The following KANSL1L variants were observed in gnomAD, a reference collection of about 807,000 sequenced individuals.
The protein encoded by KANSL1L is KAT8 regulatory NSL complex subunit 1 like.
In KANSL1L, 25 loss-of-function variants were observed where a neutral mutation model predicts 108.6. The ratio of observed to expected loss-of-function variants is 0.23; its 90% CI spans 0.17 to 0.32. KANSL1L has a LOEUF of 0.32. Among genes scored for constraint, KANSL1L ranks in the 10% least tolerant of loss-of-function variants. The probability of loss-of-function intolerance (pLI) is 1.00; values close to 1 mark genes in which losing one functional copy is unlikely to be tolerated. For missense variants in KANSL1L, 1,137 were observed against 1,125.7 expected (o/e 1.01, Z -0.14); for synonymous variants, 405 against 395.1 (o/e 1.03, Z -0.30).
intron 5 of KANSL1L, among the ~76,000 whole-genome samples, chr2:210,094,468 G>C (rs1448365294): frequency 1.3e-5 from 2 of 152,020 alleles, no homozygotes; most frequent in East Asian, 1.9e-4. Flanking sequence ...AAATAACAAA[G>C]GTATTGGAAA....
intron 5 of KANSL1L, among the ~76,000 whole-genome samples, chr2:210,092,869 T>C (rs2094704236): frequency 6.6e-6 from 1 of 152,272 alleles, no homozygotes; most frequent in African/African-American, 2.4e-5. Flanking sequence ...CAAACTTGGA[T>C]TGAAAATCCA....
chr2:210,071,232 G>A (rs2094505654), intron 6 of KANSL1L, among the ~76,000 whole-genome samples: 1 of 151,944 alleles, frequency 6.6e-6, no homozygotes, highest in African/African-American at 2.4e-5. Context: ...CTGTATGCAT[G>A]CATCTGTGTC....
At chr2:210,029,140 CTA>C (rs1410816592) in intron 10 of KANSL1L, 171 bp from the exon 11 acceptor site, 2 of 547,334 alleles carry the variant, frequency 3.7e-6, no homozygotes, top group Non-Finnish European at 6.3e-6. Context: ...AAACATTTTT[CTA>C]TCTTTTGTAA....
chr2:210,110,929 T>C (rs762129693), intron 3 of KANSL1L, among the ~76,000 whole-genome samples: 2 of 151,900 alleles, frequency 1.3e-5, no homozygotes, highest in East Asian at 1.9e-4. Flanking sequence ...CTGGGCAACA[T>C]GGCGAAACCC....
chr2:210,072,496 G>C (rs1000867944), intron 6 of KANSL1L, among the ~76,000 whole-genome samples: 2 of 152,208 alleles, frequency 1.3e-5, no homozygotes, highest in Admixed American at 6.5e-5. Flanking sequence ...CCAGTTTCAT[G>C]TAAAGCAATT....
rs1258459168 is a variant in KANSL1L, at chr2:210,025,138, A to T, written c.2530T>A (p.Trp844Arg). Residue 844 changes from tryptophan to arginine, a missense_variant, in exon 13 of 15, where the codon TGG becomes AGG. Physicochemically the swap from Trp to Arg is moderately radical, Grantham distance 101 (BLOSUM62 -3). Around this residue, in one of 3 missense-constraint regions of KANSL1L, gnomAD observed 575 missense variants for 567.1 expected, o/e 1.01. Coordinates refer to ENST00000281772, the MANE Select transcript of KANSL1L (RefSeq NM_152519.4). The stretch of plus-strand genomic sequence containing the variant: ...CTTCTGTGCCACTTGCTTTGCTCCC[A>T]TAGTGACCACCTGGCTTGCTCTCTC... The part of the protein sequence containing the change: ...EEREQARWSL[W>R]EQSKWHRRNS... 1 of 1,613,336 alleles carries T rather than the reference A, an allele frequency of 6.2e-7. No homozygotes were observed. Among genetic ancestry groups the T allele is most frequent in the Non-Finnish European group, 8.5e-7 (1 of 1,179,288 alleles).
chr2:210,115,374 A>G (rs968504001), intron 3 of KANSL1L, among the ~76,000 whole-genome samples: 3 of 152,236 alleles, frequency 2.0e-5, no homozygotes, highest in Non-Finnish European at 4.4e-5. Flanking sequence ...CATGCCACAA[A>G]GAGTTAAGAA....
intron 6 of KANSL1L, among the ~76,000 whole-genome samples, chr2:210,065,765 T>C (rs2094462571): frequency 6.6e-6 from 1 of 152,036 alleles, no homozygotes; most frequent in Admixed American, 6.5e-5. Flanking sequence ...TTTGTATTTT[T>C]AGAAGAGTAG....
rs925061866 is a variant in KANSL1L at position 210,046,814 on chromosome 2, T to A, written c.1756-2710A>T. Among the ~76,000 whole-genome samples the A allele has an allele frequency of 2.6e-5, 4 of 152,202 alleles. No individual in the cohort carries two copies. The East Asian group carries it at 7.7e-4, about 29-fold the overall frequency. On this transcript the variant is annotated intron_variant, in intron 6 of 14. Coordinates refer to ENST00000281772, the MANE Select transcript of KANSL1L (RefSeq NM_152519.4). ...ATAGCCTAAGCCATGGCTCCCTAAG[T>A]GTTGGCAGAGACTGTGTAGACACCA...
chr2:210,081,532 T>A (rs2094589870), intron 5 of KANSL1L, among the ~76,000 whole-genome samples: 1 of 152,236 alleles, frequency 6.6e-6, no homozygotes, highest in South Asian at 2.1e-4. Context: ...GTGATAATTT[T>A]ATATTTATTT....
intron 3 of KANSL1L, among the ~76,000 whole-genome samples, chr2:210,112,369 C>T (rs1384284404): frequency 6.6e-6 from 1 of 152,114 alleles, no homozygotes; most frequent in Non-Finnish European, 1.5e-5. Context: ...ATAGAAAAGA[C>T]AGTACCCAGA....
intron 1 of KANSL1L, chr2:210,170,383 A>AGAGTAG: frequency 1.3e-5 from 13 of 985,516 alleles, no homozygotes; most frequent in Non-Finnish European, 1.6e-5. Flanking sequence ...TCCCAGAGTA[A>AGAGTAG]GAAAACATTA....
At position 210,027,343 on chromosome 2, in the gene KANSL1L, T is replaced by C; in HGVS notation, c.2404A>G (p.Met802Val). 1 of 1,612,430 alleles carries C rather than the reference T, an allele frequency of 6.2e-7. No individual in the cohort carries two copies. The highest frequency in any genetic ancestry group is 8.5e-7 in the Non-Finnish European group (1 of 1,178,664). Reference protein sequence around the residue: ...YKEILTPSWRMVVLQPLDEYN... With the variant: ...YKEILTPSWRVVVLQPLDEYN... ...TCATCCAAAGGCTGAAGAACAACCA[T>C]CCTCCAGCTGTTGAAGATAAAAACC... The change falls in exon 12 of 15, where the codon ATG (methionine) becomes GTG (valine). Residue 802 changes from methionine to valine, a missense_variant. Physicochemically the swap from Met to Val is conservative, Grantham distance 21. Around this residue, in one of 3 missense-constraint regions of KANSL1L, gnomAD observed 575 missense variants for 567.1 expected, o/e 1.01. Coordinates refer to ENST00000281772, the MANE Select transcript of KANSL1L (RefSeq NM_152519.4).
At chr2:210,168,517 A>G (rs925827017) in intron 1 of KANSL1L, among the ~76,000 whole-genome samples, 2 of 152,146 alleles carry the variant, frequency 1.3e-5, no homozygotes, top group African/African-American at 4.8e-5. Context: ...TTTGTCAAAC[A>G]CAGTAAAAGC....
At position 210,141,223 on chromosome 2, in the gene KANSL1L, CTCTTT is replaced by C. The variant is rs568735106; in HGVS notation, c.1089-12056_1089-12052del. On this transcript the variant is annotated intron_variant, in intron 2 of 14. Transcript: ENST00000281772. ...TTCTTTTTTCTTTTCTTTCCTTTTTCTCTTTTATTTATTTATTTTTATGCCTAATG... is the reference window on the plus strand; with the variant it reads ...TTCTTTTTTCTTTTCTTTCCTTTTTCTATTTATTTATTTTTATGCCTAATG... 4.4e-5 allele frequency among the ~76,000 whole-genome samples: 6 copies of C among 137,484 alleles called. No homozygotes were observed. In the East Asian group the frequency reaches 6.2e-4, roughly 14 times the overall value. 90.2% of individuals were successfully genotyped at this position (137,484 alleles called of 152,430 possible). A position where few individuals can be genotyped will look rare whatever the true frequency, so the allele number is the denominator to read the frequency against.
intron 2 of KANSL1L, among the ~76,000 whole-genome samples, chr2:210,142,009 T>C (rs77658979): frequency 6.6e-6 from 1 of 151,780 alleles, no homozygotes; most frequent in African/African-American, 2.4e-5. Flanking sequence ...TTTTTTTTTT[T>C]CTTATAGTGT....
chr2:210,061,515 C>T (rs1036321617), intron 6 of KANSL1L, among the ~76,000 whole-genome samples: 3 of 152,258 alleles, frequency 2.0e-5, no homozygotes, highest in Admixed American at 2.0e-4. Flanking sequence ...TTAAAGAATG[C>T]TATTAGCTAC....
chr2:210,073,410 T>C (rs1285460195), intron 6 of KANSL1L, among the ~76,000 whole-genome samples: 2 of 151,904 alleles, frequency 1.3e-5, no homozygotes, highest in Admixed American at 6.6e-5. Flanking sequence ...AAATTAAATA[T>C]TCAGGATGGG....
chr2:210,141,103 T>C (rs2095223720), intron 2 of KANSL1L, among the ~76,000 whole-genome samples: 1 of 151,946 alleles, frequency 6.6e-6, no homozygotes, highest in Admixed American at 6.6e-5. Context: ...AAATTTCTTT[T>C]CTTTCCTCTC....
Sources: gnomAD v4.1 joint callset for allele counts (sites outside exome capture counted in the v4.1 genomes callset) on GRCh38, gnomAD v4.1.1 for gene constraint, gnomAD v4.1.1 regional missense constraint, MANE v1.5 for transcripts, NCBI Gene and HGNC (gene_info 2026-07-23, HGNC 2026-07-21) for gene names.